The following MEF2C variants were observed in gnomAD, a reference collection of about 807,000 sequenced individuals.
MEF2C encodes the protein myocyte enhancer factor 2C, also known as myocyte-specific enhancer factor 2C.
A neutral mutation model predicts 50.5 loss-of-function variants in MEF2C; 6 were observed. The observed-to-expected ratio is 0.12, with a 90% CI of 0.07 to 0.23. The LOEUF is 0.23. Among genes scored for constraint, MEF2C ranks in the 10% least tolerant of loss-of-function variants. MEF2C has a pLI of 1.00. For synonymous variants in MEF2C, 183 were observed against 228.0 expected (o/e 0.80, Z 1.78); for missense variants, 276 against 605.0 (o/e 0.46, Z 5.70).
At chr5:88,744,164 T>C (rs1451114435) in intron 6 of MEF2C, 3 of 983,312 alleles carry the variant, frequency 3.1e-6, no homozygotes, top group African/African-American at 3.5e-5. Context: ...ACACAAGGCA[T>C]TGCTCTGCTA....
chr5:88,735,541 A>C lies in MEF2C; in HGVS notation c.638-3640T>G, dbSNP rs1475637964. On this transcript the variant is annotated intron_variant, in intron 6 of 10. Coordinates refer to ENST00000504921, the MANE Select transcript of MEF2C (RefSeq NM_002397.5). The stretch of plus-strand genomic sequence containing the variant: ...TAGAGTCAGTTTGTTTTATAGTTTC[A>C]TTTGATTAAAAATATTGTTTTACAT... 4.1e-6 allele frequency: 4 copies of C among 975,624 alleles called. No individual in the cohort carries two copies. The African/African-American group carries it at 5.3e-5, about 13-fold the overall frequency. The allele number at this position is 975,624 out of a possible 1,614,324, so 60.4% of individuals were successfully genotyped here. A position where few individuals can be genotyped will look rare whatever the true frequency, so the allele number is the denominator to read the frequency against.
intron 1 of MEF2C, among the ~76,000 whole-genome samples, chr5:88,831,441 G>A (rs1299165288): frequency 6.6e-6 from 1 of 151,244 alleles, no homozygotes; most frequent in Admixed American, 6.6e-5. Flanking sequence ...TGAAAATTAT[G>A]TCCTTGAAAA....
chr5:88,793,688 A>C (rs1794809163), intron 3 of MEF2C, among the ~76,000 whole-genome samples: 2 of 152,206 alleles, frequency 1.3e-5, no homozygotes, highest in South Asian at 2.1e-4. Context: ...ATACGTGTGC[A>C]GAACATGCAG....
chr5:88,729,634 G>A, intron 8 of MEF2C: 1 of 375,802 alleles, frequency 2.7e-6, no homozygotes, highest in East Asian at 6.0e-5. Flanking sequence ...GAAAACTGAT[G>A]AAATATGTAT....
intron 6 of MEF2C, chr5:88,734,561 GTTTGTTTTTTT>G: frequency 3.9e-6 from 1 of 253,860 alleles, no homozygotes; most frequent in Non-Finnish European, 4.7e-6. Context: ...CTTGAGAAAA[GTTTGTTTTTTT>G]TTTTTTTTTT....
intron 6 of MEF2C, chr5:88,741,407 C>T: frequency 1.0e-6 from 1 of 985,342 alleles, no homozygotes; most frequent in Non-Finnish European, 1.2e-6. Flanking sequence ...GGCAATAGTG[C>T]CATCCCTAAA....
At chr5:88,748,153 G>T (rs923741802) in intron 6 of MEF2C, 1 of 982,840 alleles carries the variant, frequency 1.0e-6, no homozygotes, top group Non-Finnish European at 1.2e-6. Flanking sequence ...AAATGTATTT[G>T]TAAACCAATT....
chr5:88,826,001 T>G (rs1810694942), intron 1 of MEF2C: 1 of 151,984 alleles, frequency 6.6e-6, no homozygotes, highest in Non-Finnish European at 1.5e-5. Flanking sequence ...GATCCTGATT[T>G]CAAAATACAA....
intron 2 of MEF2C, among the ~76,000 whole-genome samples, chr5:88,812,050 A>C (rs1239108088): frequency 1.3e-5 from 2 of 152,124 alleles, no homozygotes; most frequent in Non-Finnish European, 2.9e-5. Context: ...TTAACTGTGA[A>C]ACACTTTACA....
intron 3 of MEF2C, among the ~76,000 whole-genome samples, chr5:88,765,794 G>A (rs1398720385): frequency 6.6e-6 from 1 of 152,136 alleles, no homozygotes; most frequent in Non-Finnish European, 1.5e-5. Flanking sequence ...TCAAGATAAG[G>A]CAAGAGATCT....
intron 1 of MEF2C, among the ~76,000 whole-genome samples, chr5:88,855,747 T>G (rs993088186): frequency 3.3e-5 from 5 of 152,206 alleles, no homozygotes; most frequent in African/African-American, 1.2e-4. Flanking sequence ...AAGAGGTGCC[T>G]TCTGCCATGA....
chr5:88,734,728 G>A (rs2152327783), intron 6 of MEF2C: 1 of 983,286 alleles, frequency 1.0e-6, no homozygotes, highest in Non-Finnish European at 1.2e-6. Flanking sequence ...TTTTCATTCA[G>A]TAAATACCTC....
At chr5:88,753,647 T>C (rs897593936) in intron 4 of MEF2C, among the ~76,000 whole-genome samples, 1 of 152,170 alleles carries the variant, frequency 6.6e-6, no homozygotes, top group Non-Finnish European at 1.5e-5. Context: ...CACCTCGGCC[T>C]CCCAAAGTAC....
chr5:88,780,158 GAAAAAGA>G (rs949480871), intron 3 of MEF2C, among the ~76,000 whole-genome samples: 12 of 150,706 alleles, frequency 8.0e-5, no homozygotes, highest in African/African-American at 2.9e-4. Context: ...AAAAAAAAAA[GAAAAAGA>G]AAAAAGAAAA....
chr5:88,733,322 G>T (rs1762484934), intron 6 of MEF2C: 2 of 985,180 alleles, frequency 2.0e-6, no homozygotes, highest in South Asian at 9.4e-5. Flanking sequence ...AAAAGAGAGG[G>T]GTGTCAGAGG....
At chr5:88,798,973 C>T (rs1351774597) in intron 3 of MEF2C, among the ~76,000 whole-genome samples, 1 of 152,218 alleles carries the variant, frequency 6.6e-6, no homozygotes, top group Non-Finnish European at 1.5e-5. Context: ...CCAGCAGAGG[C>T]TGGAGAACAG....
rs1263657385 is a variant in MEF2C, at chr5:88,719,278, A to G, written c.*3326T>C. 5 of 152,210 alleles carry G rather than the reference A, an allele frequency of 3.3e-5. No individual in the cohort carries two copies. Among genetic ancestry groups the G allele is most frequent in the Non-Finnish European group, 7.4e-5 (5 of 68,016 alleles). 9.4% of individuals were successfully genotyped at this position (152,210 alleles called of 1,614,324 possible). Reference sequence around the variant, plus strand: ...GACAGGTATTTTTATATTCATCATTACAAAATGCTAAATTCCACCTTTGGG... The same window carrying G: ...GACAGGTATTTTTATATTCATCATTGCAAAATGCTAAATTCCACCTTTGGG... On this transcript the variant is annotated 3_prime_UTR_variant, in exon 11 of 11. Transcript: ENST00000504921.
intron 6 of MEF2C, chr5:88,740,456 A>G: frequency 2.0e-6 from 2 of 985,102 alleles, no homozygotes; most frequent in Non-Finnish European, 2.4e-6. Context: ...TGTCATGCGG[A>G]TTTAGGCATC....
chr5:88,743,765 A>G (rs1488123500), intron 6 of MEF2C: 1 of 985,294 alleles, frequency 1.0e-6, no homozygotes, highest in African/African-American at 1.7e-5. Flanking sequence ...CTCTCCATGT[A>G]TTTAGCTGAC....
Sources: gnomAD v4.1 joint callset for allele counts (sites outside exome capture counted in the v4.1 genomes callset) on GRCh38, gnomAD v4.1.1 for gene constraint, MANE v1.5 for transcripts, NCBI Gene and HGNC (gene_info 2026-07-23, HGNC 2026-07-21) for gene names.